DOCK3: variants seen among roughly 807,000 people sequenced by gnomAD.
The protein encoded by DOCK3 is dedicator of cytokinesis 3.
A neutral mutation model predicts 265.6 loss-of-function variants in DOCK3; 60 were observed. That is an observed-to-expected ratio of 0.23 (90% confidence interval 0.18 to 0.28). DOCK3 has a LOEUF of 0.28. DOCK3 is among the 10% of genes least tolerant of loss of function. DOCK3 has a pLI of 1.00. For synonymous variants in DOCK3, 881 were observed against 938.0 expected (o/e 0.94, Z 1.11); for missense variants, 1,981 against 2,594.3 (o/e 0.76, Z 5.14).
intron 1 of DOCK3, among the ~76,000 whole-genome samples, chr3:50,777,426 TG>T (rs1299127285): frequency 6.6e-6 from 1 of 152,180 alleles, no homozygotes. Context: ...ATTTTAGGAT[TG>T]TTTTTTCTAG....
chr3:51,185,612 G>T (rs1190661346), intron 12 of DOCK3, among the ~76,000 whole-genome samples: 1 of 152,090 alleles, frequency 6.6e-6, no homozygotes, highest in South Asian at 2.1e-4. Flanking sequence ...AACTGATATG[G>T]CTTGGCTCTG....
intron 1 of DOCK3, among the ~76,000 whole-genome samples, chr3:50,713,709 A>G (rs952547337): frequency 6.6e-6 from 1 of 151,748 alleles, no homozygotes. Flanking sequence ...TCACATACTT[A>G]CTAGATTTCG....
chr3:51,225,923 A>G, intron 15 of DOCK3, 150 bp downstream of exon 15: 3 of 1,098,602 alleles, frequency 2.7e-6, no homozygotes, highest in South Asian at 1.8e-5. Context: ...AGAAAACTCT[A>G]AAGTGTGCTT....
chr3:51,325,843 A>T (rs920129928), intron 32 of DOCK3, among the ~76,000 whole-genome samples: 1 of 152,162 alleles, frequency 6.6e-6, no homozygotes, highest in Non-Finnish European at 1.5e-5. Context: ...GTTCTCACTC[A>T]TAAGTGGGAG....
At chr3:51,121,137 A>G (rs1201685780) in intron 9 of DOCK3, among the ~76,000 whole-genome samples, 1 of 152,164 alleles carries the variant, frequency 6.6e-6, no homozygotes, top group Non-Finnish European at 1.5e-5. Context: ...ATCCGTGGGA[A>G]TCTTCTAGTC....
At chr3:50,888,250 C>T in intron 3 of DOCK3, among the ~76,000 whole-genome samples, 1 of 152,094 alleles carries the variant, frequency 6.6e-6, no homozygotes, top group African/African-American at 2.4e-5. Flanking sequence ...TGAGTAAACT[C>T]CCATTCACAA....
intron 1 of DOCK3, among the ~76,000 whole-genome samples, chr3:50,712,803 G>T (rs1195719248): frequency 6.6e-6 from 1 of 152,088 alleles, no homozygotes; most frequent in Non-Finnish European, 1.5e-5. Flanking sequence ...ACAGGAGATC[G>T]ATTATAGTTT....
chr3:51,300,606 C>T (rs1429591990), intron 27 of DOCK3, among the ~76,000 whole-genome samples: 4 of 152,102 alleles, frequency 2.6e-5, no homozygotes, highest in African/African-American at 4.8e-5. Context: ...AGTTTTTTAT[C>T]ATGAAAGGAT....
rs151213402 is a variant in DOCK3 at position 50,788,030 on chromosome 3, G to A, written c.121+9272G>A. ...CTTAATAGCATGCACATCAGACTCTGCTCCTGTCTCCCTGAAATGTGGCTG... is the reference window on the plus strand; with the variant it reads ...CTTAATAGCATGCACATCAGACTCTACTCCTGTCTCCCTGAAATGTGGCTG... On this transcript the variant is annotated intron_variant, in intron 2 of 52. Transcript: ENST00000266037. 2.8e-4 allele frequency: 206 copies of A among 734,618 alleles called. 1 individual carries two copies. The African/African-American group carries it at 3.1e-3, about 11-fold the overall frequency. 45.5% of individuals were successfully genotyped at this position (734,618 alleles called of 1,614,324 possible). A position where few individuals can be genotyped will look rare whatever the true frequency, so the allele number is the denominator to read the frequency against.
chr3:51,215,488 G>A (rs1032245625), intron 14 of DOCK3, among the ~76,000 whole-genome samples: 1 of 152,128 alleles, frequency 6.6e-6, no homozygotes, highest in African/African-American at 2.4e-5. Context: ...AAAGGGCCAG[G>A]CCAGACCAGG....
At chr3:50,797,129 C>T (rs1374514111) in intron 2 of DOCK3, among the ~76,000 whole-genome samples, 1 of 152,100 alleles carries the variant, frequency 6.6e-6, no homozygotes, top group African/African-American at 2.4e-5. Flanking sequence ...CATCAGGGTG[C>T]TAGTGAATGC....
intron 3 of DOCK3, among the ~76,000 whole-genome samples, chr3:50,858,769 C>A (rs1458439848): frequency 6.6e-6 from 1 of 152,182 alleles, no homozygotes; most frequent in African/African-American, 2.4e-5. Context: ...CTTTCTCCCC[C>A]TCCCTTTCAG....
intron 10 of DOCK3, among the ~76,000 whole-genome samples, chr3:51,147,017 G>T (rs551685274): frequency 1.3e-5 from 2 of 152,086 alleles, no homozygotes; most frequent in African/African-American, 4.8e-5. Flanking sequence ...GGGATGTGAG[G>T]CAAGAGGACC....
chr3:51,232,395 G>A (rs2078164740), intron 19 of DOCK3, among the ~76,000 whole-genome samples: 1 of 152,124 alleles, frequency 6.6e-6, no homozygotes, highest in African/African-American at 2.4e-5. Flanking sequence ...ATTCCTAGTA[G>A]TGGAATTGCT....
intron 23 of DOCK3, among the ~76,000 whole-genome samples, chr3:51,261,080 A>C (rs116830029): frequency 6.6e-6 from 1 of 152,244 alleles, no homozygotes; most frequent in African/African-American, 2.4e-5. Flanking sequence ...GTAACTAGGA[A>C]TCTTTGGCTA....
chr3:51,286,897 C>T (rs2081437651), intron 27 of DOCK3, among the ~76,000 whole-genome samples: 1 of 151,992 alleles, frequency 6.6e-6, no homozygotes, highest in Non-Finnish European at 1.5e-5. Context: ...AAAAGAACTA[C>T]TTGGACATAG....
At chr3:50,936,186 C>A (rs1171861207) in intron 5 of DOCK3, among the ~76,000 whole-genome samples, 1 of 151,614 alleles carries the variant, frequency 6.6e-6, no homozygotes, top group African/African-American at 2.4e-5. Flanking sequence ...GGCTCAATAG[C>A]AGCCTATAGA....
At chr3:51,029,454 G>A (rs529751773) in intron 5 of DOCK3, among the ~76,000 whole-genome samples, 26 of 152,246 alleles carry the variant, frequency 1.7e-4, no homozygotes, top group Admixed American at 3.3e-4. Context: ...TTCTTTTTCA[G>A]TGCACACCCA....
At position 51,099,119 on chromosome 3, in the gene DOCK3, C is replaced by T. The variant is rs1297178405; in HGVS notation, c.746+8735C>T. On this transcript the variant is annotated intron_variant, in intron 9 of 52. Transcript: ENST00000266037. ...ACTGAAAATATAGACAGAATGAATT[C>T]AAATAGGGTTTAAAGCTAAATATAT... Among the ~76,000 whole-genome samples, 3 of 152,148 alleles carry T rather than the reference C, an allele frequency of 2.0e-5. No individual in the cohort carries two copies. The East Asian group carries it at 5.8e-4, about 29-fold the overall frequency.
Sources: allele counts gnomAD v4.1 joint callset (sites outside exome capture counted in the v4.1 genomes callset), GRCh38; gene constraint gnomAD v4.1.1; transcripts MANE v1.5; gene names NCBI Gene and HGNC (gene_info 2026-07-23, HGNC 2026-07-21).